The following CASR variants were observed in gnomAD, a reference collection of about 807,000 sequenced individuals.
CASR encodes calcium sensing receptor, also known as extracellular calcium-sensing receptor.
Under a neutral mutation model 69.1 loss-of-function variants are expected in CASR, and 23 were observed. The observed-to-expected ratio is 0.33, with a 90% CI of 0.24 to 0.47. The LOEUF (loss-of-function observed/expected upper bound fraction) is 0.47. Ranked by LOEUF, CASR falls within the 20% of genes least tolerant of loss-of-function variation. CASR has a pLI of 1.00. For missense variants in CASR, 924 were observed against 1,356.1 expected (o/e 0.68, Z 5.00); for synonymous variants, 541 against 544.7 (o/e 0.99, Z 0.10).
Position 122,217,529 on chromosome 3 carries a change from G to A in CASR, c.-243+33717G>A, listed in dbSNP as rs138798787. Among the ~76,000 whole-genome samples, 7 of 152,262 alleles carry A rather than the reference G, an allele frequency of 4.6e-5. No homozygotes were observed. In the East Asian group the frequency reaches 1.4e-3, roughly 29 times the overall value. On this transcript the variant is annotated intron_variant, in intron 1 of 6. Transcript: ENST00000639785. ...ACGTGTGAGTTGAAATCCAATGAACGAGTAGGAATAATGTAACAATGAGTG... is the reference window on the plus strand; with the variant it reads ...ACGTGTGAGTTGAAATCCAATGAACAAGTAGGAATAATGTAACAATGAGTG...
intron 4 of CASR, among the ~76,000 whole-genome samples, chr3:122,273,440 G>T (rs1368899183): frequency 1.3e-5 from 2 of 152,044 alleles, no homozygotes; most frequent in Non-Finnish European, 2.9e-5. Context: ...ATTAGAACAG[G>T]GACTGGCACA....
chr3:122,196,767 T>C (rs2073894928), intron 1 of CASR, among the ~76,000 whole-genome samples: 1 of 152,062 alleles, frequency 6.6e-6, no homozygotes, highest in African/African-American at 2.4e-5. Context: ...GTTATTTTTT[T>C]AATAGGAAAA....
chr3:122,259,526 ATACT>A (rs530819816), intron 3 of CASR, among the ~76,000 whole-genome samples: 81 of 152,264 alleles, frequency 5.3e-4, no homozygotes, highest in Admixed American at 1.8e-3. Context: ...GAAAACAGTC[ATACT>A]TACTTTTTAG....
intron 1 of CASR, among the ~76,000 whole-genome samples, chr3:122,221,073 C>A (rs2074165006): frequency 6.6e-6 from 1 of 152,218 alleles, no homozygotes; most frequent in South Asian, 2.1e-4. Context: ...TACCCAACAA[C>A]ACCTAAAAGT....
At chr3:122,218,350 A>G (rs962476338) in intron 1 of CASR, among the ~76,000 whole-genome samples, 6 of 151,968 alleles carry the variant, frequency 3.9e-5, no homozygotes, top group Non-Finnish European at 7.4e-5. Flanking sequence ...CCTGGCCAAC[A>G]TGGTGAAACC....
chr3:122,206,128 T>C (rs1182941356), intron 1 of CASR, among the ~76,000 whole-genome samples: 4 of 152,058 alleles, frequency 2.6e-5, no homozygotes, highest in Non-Finnish European at 5.9e-5. Context: ...GTGGTATAAA[T>C]AGTCATCCTT....
intron 3 of CASR, among the ~76,000 whole-genome samples, chr3:122,259,027 T>C (rs913207905): frequency 6.6e-6 from 1 of 152,118 alleles, no homozygotes; most frequent in African/African-American, 2.4e-5. Flanking sequence ...AAATTGCGGT[T>C]GGAACAGTTT....
chr3:122,274,601 C>T (rs2074794390), intron 4 of CASR, among the ~76,000 whole-genome samples: 1 of 152,106 alleles, frequency 6.6e-6, no homozygotes, highest in African/African-American at 2.4e-5. Flanking sequence ...TTTTAAGTAC[C>T]TTAAAAAGAA....
At chr3:122,281,953 C>A in intron 5 of CASR, 160 bp from the exon 6 acceptor site, 2 of 901,646 alleles carry the variant, frequency 2.2e-6, no homozygotes, top group Non-Finnish European at 3.5e-6. Flanking sequence ...ATATCAGAAC[C>A]AAGGACCTCT....
rs150821462 is a variant in CASR at position 122,248,836 on chromosome 3, C to T, written c.-242-5112C>T. On this transcript the variant is annotated intron_variant, in intron 1 of 6. Coordinates refer to ENST00000639785, the MANE Select transcript of CASR (RefSeq NM_000388.4). ...TATTTGGAAGAAAATTGAAATGTGG[C>T]AGTGTTCACTCCTGACGTTGTTTTG... is the stretch of plus-strand genomic sequence containing the variant. Among the ~76,000 whole-genome samples, 11 of 152,278 alleles carry T rather than the reference C, an allele frequency of 7.2e-5. No individual in the cohort carries two copies. In the East Asian group the frequency reaches 2.1e-3, roughly 29 times the overall value.
intron 1 of CASR, among the ~76,000 whole-genome samples, chr3:122,203,392 G>T (rs555635373): frequency 6.6e-6 from 1 of 152,240 alleles, no homozygotes; most frequent in Admixed American, 6.5e-5. Context: ...AACCTAGATG[G>T]TATAGCCTAC....
At position 122,196,531 on chromosome 3, in the gene CASR, G is replaced by GTTTGTTTTGT. The variant is rs549490817; in HGVS notation, c.-243+12733_-243+12742dup. ...GGTTTTTGGGGTTTTTTGTTTGTTT[G>GTTTGTTTTGT]TTTGTTTTGTTTTGTTTTGTTTTTG... On this transcript the variant is annotated intron_variant, in intron 1 of 6. Transcript: ENST00000639785. 2.7e-5 allele frequency among the ~76,000 whole-genome samples: 4 copies of GTTTGTTTTGT among 150,890 alleles called. No individual in the cohort carries two copies. In the South Asian group the frequency reaches 8.4e-4, roughly 32 times the overall value.
chr3:122,188,850 A>T (rs1165795694), intron 1 of CASR, among the ~76,000 whole-genome samples: 1 of 152,174 alleles, frequency 6.6e-6, no homozygotes, highest in Admixed American at 6.5e-5. Context: ...AGTCCATGAG[A>T]ATTAGAGGAT....
intron 1 of CASR, among the ~76,000 whole-genome samples, chr3:122,192,055 A>G (rs574765904): frequency 5.9e-5 from 9 of 152,386 alleles, no homozygotes; most frequent in Non-Finnish European, 1.2e-4. Flanking sequence ...AAATATGGTT[A>G]AAGACTTATG....
intron 1 of CASR, among the ~76,000 whole-genome samples, chr3:122,225,301 A>G (rs2074211507): frequency 6.6e-6 from 1 of 152,160 alleles, no homozygotes; most frequent in Non-Finnish European, 1.5e-5. Context: ...GAATAGGACA[A>G]AATATTCACA....
intron 1 of CASR, among the ~76,000 whole-genome samples, chr3:122,204,978 C>T (rs1337166539): frequency 6.6e-6 from 1 of 151,908 alleles, no homozygotes; most frequent in African/African-American, 2.4e-5. Context: ...GGTTATTAAT[C>T]CCTTGTCAGA....
chr3:122,196,250 A>G (rs1398010971), intron 1 of CASR, among the ~76,000 whole-genome samples: 1 of 152,200 alleles, frequency 6.6e-6, no homozygotes, highest in Non-Finnish European at 1.5e-5. Flanking sequence ...TAAATAACAT[A>G]TACAACATAT....
At chr3:122,272,392 T>C (rs192801592) in intron 4 of CASR, among the ~76,000 whole-genome samples, 65 of 152,316 alleles carry the variant, frequency 4.3e-4, no homozygotes, top group Non-Finnish European at 6.2e-4. Flanking sequence ...TCTTGAGAAA[T>C]TGATCTCTTT....
chr3:122,244,410 C>T (rs1030509715), intron 1 of CASR, among the ~76,000 whole-genome samples: 5 of 151,428 alleles, frequency 3.3e-5, no homozygotes, highest in African/African-American at 7.3e-5. Context: ...GGATAGGTAA[C>T]GTGTGGTAGA....
Sources: gnomAD v4.1 joint callset for allele counts (sites outside exome capture counted in the v4.1 genomes callset) on GRCh38, gnomAD v4.1.1 for gene constraint, MANE v1.5 for transcripts, NCBI Gene and HGNC (gene_info 2026-07-23, HGNC 2026-07-21) for gene names.